The following METTL24 variants were observed in gnomAD, a reference collection of about 807,000 sequenced individuals.
METTL24 encodes the protein probable methyltransferase-like protein 24.
In METTL24, 29 loss-of-function variants were observed where a neutral mutation model predicts 32.7. The observed-to-expected ratio is 0.89, with a 90% CI of 0.66 to 1.21. The LOEUF is 1.21. Ranked by LOEUF, METTL24 falls within the 50% of genes most tolerant of loss-of-function variation. The probability of loss-of-function intolerance (pLI) is 0.00; values close to 1 mark genes in which losing one functional copy is unlikely to be tolerated. For synonymous variants in METTL24, 163 were observed against 179.5 expected, an observed-to-expected ratio of 0.91 and a Z score of 0.73; for missense variants, 439 against 468.1, an observed-to-expected ratio of 0.94 and a Z score of 0.57.
chr6:110,327,647 T>C (rs1487619622), intron 1 of METTL24, among the ~76,000 whole-genome samples: 2 of 152,230 alleles, frequency 1.3e-5, no homozygotes, highest in Non-Finnish European at 2.9e-5. Context: ...TGGAAACCGC[T>C]AGCTTTTATC....
intron 4 of METTL24, among the ~76,000 whole-genome samples, chr6:110,257,944 G>T (rs1778416892): frequency 6.6e-6 from 1 of 152,214 alleles, no homozygotes; most frequent in Non-Finnish European, 1.5e-5. Context: ...ATGTATGTCT[G>T]TGCACATAAG....
At chr6:110,329,118 A>C (rs1772068513) in intron 1 of METTL24, among the ~76,000 whole-genome samples, 1 of 152,236 alleles carries the variant, frequency 6.6e-6, no homozygotes, top group South Asian at 2.1e-4. Context: ...ACAATAGATA[A>C]CTGATAGAGT....
chr6:110,269,765 G>C (rs544109184), intron 4 of METTL24, among the ~76,000 whole-genome samples: 2 of 152,264 alleles, frequency 1.3e-5, no homozygotes, highest in South Asian at 4.1e-4. Flanking sequence ...AAGGGATGGA[G>C]GACTGGAGGA....
At chr6:110,347,289 T>C (rs1282833954) in intron 1 of METTL24, among the ~76,000 whole-genome samples, 6 of 152,206 alleles carry the variant, frequency 3.9e-5, no homozygotes, top group Admixed American at 1.3e-4. Context: ...GAGCCCTGAC[T>C]TCCCTGTCTG....
intron 4 of METTL24, among the ~76,000 whole-genome samples, chr6:110,290,791 A>G (rs1178079161): frequency 6.6e-6 from 1 of 152,174 alleles, no homozygotes; most frequent in Admixed American, 6.5e-5. Context: ...AGAAATTGTC[A>G]ACCTCTTTTC....
chr6:110,321,714 C>T (rs191770145), intron 2 of METTL24, among the ~76,000 whole-genome samples: 1 of 152,320 alleles, frequency 6.6e-6, no homozygotes, highest in East Asian at 1.9e-4. Context: ...CAAGCTTTTA[C>T]GTCCATGTTT....
chr6:110,298,091 T>C (rs1269650970), intron 4 of METTL24, among the ~76,000 whole-genome samples: 1 of 152,152 alleles, frequency 6.6e-6, no homozygotes, highest in Non-Finnish European at 1.5e-5. Flanking sequence ...AAGTTTAAAA[T>C]TGAGTCTCAG....
At chr6:110,340,187 A>G (rs1024627686) in intron 1 of METTL24, among the ~76,000 whole-genome samples, 1 of 150,878 alleles carries the variant, frequency 6.6e-6, no homozygotes, top group Non-Finnish European at 1.5e-5. Context: ...CACATCTGGC[A>G]CAAGGAGGAT....
chr6:110,269,118 C>T (rs541222192), intron 4 of METTL24, among the ~76,000 whole-genome samples: 18 of 152,160 alleles, frequency 1.2e-4, no homozygotes, highest in South Asian at 4.2e-4. Flanking sequence ...ATTTGGGAAG[C>T]GGTTGCTGTT....
chr6:110,322,785 T>C lies in METTL24; in HGVS notation c.406A>G (p.Ser136Gly). 3.1e-6 allele frequency: 5 copies of C among 1,613,264 alleles called. No homozygotes were observed. The highest frequency in any genetic ancestry group is 4.2e-6 in the Non-Finnish European group (5 of 1,179,450). The change falls in exon 2 of 5, where the codon AGC (serine) becomes GGC (glycine). Residue 136 changes from serine to glycine, a missense_variant. Transcript: ENST00000338882. The part of the protein sequence containing the change: ...EEAWRFLRYI[S>G]TTQIACNHMN... ...GCCTGAAACACAACCTGGGTGGTGCTGATATATCTCAGGAACCTCCAGGCT... is the reference window on the plus strand; with the variant it reads ...GCCTGAAACACAACCTGGGTGGTGCCGATATATCTCAGGAACCTCCAGGCT...
chr6:110,288,118 C>T (rs1389907286), intron 4 of METTL24, among the ~76,000 whole-genome samples: 3 of 152,184 alleles, frequency 2.0e-5, no homozygotes, highest in African/African-American at 7.2e-5. Context: ...CAACAGGGCA[C>T]AGAGTAGCCC....
chr6:110,336,316 A>G (rs1582435196), intron 1 of METTL24, among the ~76,000 whole-genome samples: 1 of 152,244 alleles, frequency 6.6e-6, no homozygotes, highest in Non-Finnish European at 1.5e-5. Context: ...CATGTAGCAT[A>G]GCAAGAAATA....
intron 2 of METTL24, among the ~76,000 whole-genome samples, chr6:110,318,584 G>A (rs1396421487): frequency 1.0e-4 from 15 of 150,118 alleles, no homozygotes; most frequent in Non-Finnish European, 1.8e-4. Context: ...CCGGGAGGGC[G>A]GAGGTTGCAG....
chr6:110,348,717 G>C (rs1416345464), intron 1 of METTL24, among the ~76,000 whole-genome samples: 1 of 152,240 alleles, frequency 6.6e-6, no homozygotes, highest in African/African-American at 2.4e-5. Flanking sequence ...TGATGGCCGT[G>C]AAGATGGATT....
intron 3 of METTL24, among the ~76,000 whole-genome samples, chr6:110,300,240 C>T (rs556986915): frequency 3.9e-5 from 6 of 152,122 alleles, no homozygotes; most frequent in Non-Finnish European, 7.4e-5. Flanking sequence ...CTTGATAGTT[C>T]GTGGATTTTG....
chr6:110,253,542 A>G (rs1322453339), intron 4 of METTL24, among the ~76,000 whole-genome samples: 1 of 152,234 alleles, frequency 6.6e-6, no homozygotes, highest in Non-Finnish European at 1.5e-5. Context: ...TCTAGAAATT[A>G]ATATGCATTT....
At chr6:110,318,678 GAAAGA>G (rs974773214) in intron 2 of METTL24, among the ~76,000 whole-genome samples, 9 of 145,304 alleles carry the variant, frequency 6.2e-5, no homozygotes, top group African/African-American at 2.3e-4. Flanking sequence ...AAGAAAGAAA[GAAAGA>G]AAAGAAAAGA....
At chr6:110,341,933 C>T (rs1167267452) in intron 1 of METTL24, among the ~76,000 whole-genome samples, 11 of 152,136 alleles carry the variant, frequency 7.2e-5, no homozygotes, top group Non-Finnish European at 7.4e-5. Context: ...ACGCAAAAGC[C>T]CTCCAAAATG....
intron 4 of METTL24, among the ~76,000 whole-genome samples, chr6:110,298,474 C>T (rs746040178): frequency 2.0e-5 from 3 of 151,844 alleles, no homozygotes; most frequent in Non-Finnish European, 4.4e-5. Context: ...AGAGCCTAGA[C>T]GTTCAAAATA....
Sources: gnomAD v4.1 joint callset for allele counts (sites outside exome capture counted in the v4.1 genomes callset) on GRCh38, gnomAD v4.1.1 for gene constraint, MANE v1.5 for transcripts, NCBI Gene and HGNC (gene_info 2026-07-23, HGNC 2026-07-21) for gene names.